The following CLTCL1 variants were observed in gnomAD, a reference collection of about 807,000 sequenced individuals.
CLTCL1 encodes the protein clathrin heavy chain like 1, also known as clathrin heavy chain 2.
Under a neutral mutation model 190.0 loss-of-function variants are expected in CLTCL1, and 159 were observed. The observed-to-expected ratio is 0.84, with a 90% CI of 0.74 to 0.95. CLTCL1 has a LOEUF of 0.95. CLTCL1 is among the 40% of genes least tolerant of loss of function. The probability of loss-of-function intolerance (pLI) is 0.00; values close to 1 mark genes in which losing one functional copy is unlikely to be tolerated. For missense variants in CLTCL1, 1,878 were observed against 2,033.4 expected (o/e 0.92, Z 1.47); for synonymous variants, 752 against 769.6 (o/e 0.98, Z 0.38).
At chr22:19,212,362 C>T (rs2085251523) in intron 19 of CLTCL1, among the ~76,000 whole-genome samples, 1 of 147,822 alleles carries the variant, frequency 6.8e-6, no homozygotes, top group African/African-American at 2.5e-5. Context: ...GGGTTTGAGA[C>T]TAGCCTGGGC....
chr22:19,244,593 A>G (rs571192017), intron 3 of CLTCL1, among the ~76,000 whole-genome samples: 3 of 152,356 alleles, frequency 2.0e-5, no homozygotes, highest in Admixed American at 1.3e-4. Flanking sequence ...AGCACATTTG[A>G]GTCCTAAAGG....
intron 24 of CLTCL1, 133 bp from the exon 25 acceptor site, chr22:19,196,789 C>A (rs1342089536): frequency 5.2e-6 from 5 of 960,346 alleles, no homozygotes; most frequent in Non-Finnish European, 3.1e-6. Context: ...GTGAAGAAAA[C>A]GTGTATACAT....
chr22:19,207,010 ATTTTTTTT>A (rs781980213), intron 22 of CLTCL1, among the ~76,000 whole-genome samples: 3 of 92,782 alleles, frequency 3.2e-5, no homozygotes, highest in African/African-American at 4.4e-5. Context: ...TAAACTACTA[ATTTTTTTT>A]TTTTTTTTTT....
In CLTCL1 at chr22:19,232,608, A is replaced by C; in HGVS notation, c.1522-10T>G. On this transcript the variant is annotated splice_polypyrimidine_tract_variant and intron_variant, in intron 9 of 32. Coordinates refer to ENST00000427926, the MANE Select transcript of CLTCL1 (RefSeq NM_007098.4). ...CTGGGGTGTACCCAACCTAGAAGCA[A>C]GGGAGCACCAATCAGGAAAATCAAT... The C allele has an allele frequency of 6.2e-7, 1 of 1,607,500 alleles. No individual in the cohort carries two copies. Among genetic ancestry groups the C allele is most frequent in the Non-Finnish European group, 8.5e-7 (1 of 1,176,994 alleles).
chr22:19,204,900 G>A (rs1475808339), intron 22 of CLTCL1, among the ~76,000 whole-genome samples: 4 of 152,146 alleles, frequency 2.6e-5, no homozygotes, highest in Non-Finnish European at 5.9e-5. Context: ...CATAGGTAAA[G>A]AGCCAGGTGT....
chr22:19,189,967 G>A (rs2084436746), intron 27 of CLTCL1, among the ~76,000 whole-genome samples: 1 of 151,568 alleles, frequency 6.6e-6, no homozygotes, highest in African/African-American at 2.4e-5. Context: ...TGTTTTTTTT[G>A]AGATGGAGTC....
At chr22:19,235,633 A>C (rs2086058177) in intron 6 of CLTCL1, 63 bp downstream of exon 6, 4 of 1,468,316 alleles carry the variant, frequency 2.7e-6, no homozygotes, top group South Asian at 1.3e-5. Flanking sequence ...AGAAGGGGGA[A>C]AGTTTAAACG....
intron 3 of CLTCL1, among the ~76,000 whole-genome samples, chr22:19,246,218 C>T (rs1381484815): frequency 2.6e-5 from 4 of 151,902 alleles, no homozygotes; most frequent in African/African-American, 9.7e-5. Context: ...TGCCACCATG[C>T]CCGGCTAGTT....
intron 4 of CLTCL1, among the ~76,000 whole-genome samples, chr22:19,240,298 T>G (rs537173653): frequency 6.6e-6 from 1 of 151,964 alleles, no homozygotes; most frequent in African/African-American, 2.4e-5. Context: ...ATATTATAAC[T>G]AACACAAGTC....
chr22:19,183,531 C>T lies in CLTCL1; in HGVS notation c.4686G>A (p.Lys1562=). 1 of 1,613,832 alleles carries T rather than the reference C, an allele frequency of 6.2e-7. No homozygotes were observed. Among genetic ancestry groups the T allele is most frequent in the South Asian group, 1.1e-5 (1 of 91,092 alleles). Residue 1562 remains lysine, a synonymous_variant, in exon 30 of 33, where the codon AAG becomes AAA. Coordinates refer to ENST00000427926, the MANE Select transcript of CLTCL1 (RefSeq NM_007098.4). ...KLLQWFLEEG[K]RECFAACLFT... is the part of the protein sequence containing the mutation. ...AGAGACAAGCTGCGAAGCACTCCCT[C>T]TTGCCTTCCTCCAGGAACCACTGCA...
intron 14 of CLTCL1, 90 bp from the exon 15 acceptor site, chr22:19,222,899 C>T (rs1180730195): frequency 1.4e-6 from 2 of 1,479,558 alleles, no homozygotes; most frequent in Admixed American, 2.0e-5. Flanking sequence ...ACGGCTCTGT[C>T]TCTGCAGCAG....
intron 2 of CLTCL1, among the ~76,000 whole-genome samples, chr22:19,256,393 G>C (rs1323713942): frequency 9.5e-6 from 1 of 105,252 alleles, no homozygotes; most frequent in African/African-American, 3.8e-5. Flanking sequence ...GTCTCTCTCT[G>C]TTGCCCAGGC....
At chr22:19,190,064 C>T (rs2084441043) in intron 27 of CLTCL1, among the ~76,000 whole-genome samples, 1 of 152,162 alleles carries the variant, frequency 6.6e-6, no homozygotes, top group African/African-American at 2.4e-5. Context: ...CCTCAGCCTC[C>T]CAAGTAGCTG....
Position 19,233,172 on chromosome 22 carries a change from G to A in CLTCL1, c.1515C>T (p.Ala505=). ...GTGGTTCAACACACGTTACCTTTTTGGCATAGAGCACAATTTTCTGGAATT... is the reference window on the plus strand; with the variant it reads ...GTGGTTCAACACACGTTACCTTTTTAGCATAGAGCACAATTTTCTGGAATT... ...TGQFQKIVLY[A]KKVGYTPDWI... The change falls in exon 9 of 33, where the codon GCC becomes GCT. Residue 505 remains alanine, a synonymous_variant. Coordinates refer to ENST00000427926, the MANE Select transcript of CLTCL1 (RefSeq NM_007098.4). The A allele has an allele frequency of 6.2e-7, 1 of 1,611,594 alleles. No homozygotes were observed. The highest frequency in any genetic ancestry group is 1.7e-5 in the Admixed American group (1 of 59,722).
Position 19,209,123 on chromosome 22 carries a change from T to C in CLTCL1, c.3250-9A>G. On this transcript the variant is annotated splice_polypyrimidine_tract_variant and intron_variant, in intron 20 of 32. Transcript: ENST00000427926. The stretch of plus-strand genomic sequence containing the variant: ...ATGTGCTCGATCAGGACCTAGGGGT[T>C]ATGAGAGGACTTCCATTCTCTGCAA... 2 of 1,578,970 alleles carry C rather than the reference T, an allele frequency of 1.3e-6. No homozygotes were observed. The highest frequency in any genetic ancestry group is 1.7e-6 in the Non-Finnish European group (2 of 1,159,680).
At chr22:19,183,716 CT>C (rs2084218649) in intron 29 of CLTCL1, 105 bp from the exon 30 acceptor site, 5 of 1,092,620 alleles carry the variant, frequency 4.6e-6, no homozygotes, top group Non-Finnish European at 6.7e-6. Flanking sequence ...CCACCAAGGA[CT>C]TCCTGCGCTG....
At chr22:19,260,127 G>A (rs1196296410) in intron 2 of CLTCL1, among the ~76,000 whole-genome samples, 1 of 152,196 alleles carries the variant, frequency 6.6e-6, no homozygotes, top group East Asian at 1.9e-4. Flanking sequence ...GCTGAGAGAG[G>A]TGAAGAAGTT....
At chr22:19,237,886 T>C (rs2086127508) in intron 5 of CLTCL1, among the ~76,000 whole-genome samples, 1 of 152,216 alleles carries the variant, frequency 6.6e-6, no homozygotes, top group Non-Finnish European at 1.5e-5. Context: ...TTTCAGGTGA[T>C]ATTTAATCCT....
intron 2 of CLTCL1, among the ~76,000 whole-genome samples, chr22:19,259,738 C>T (rs115015005): frequency 0.012 from 1,774 of 152,198 alleles, 34 homozygotes; most frequent in African/African-American, 0.039. Flanking sequence ...TGAGACACAA[C>T]AATATTGAAA....
Sources: gnomAD v4.1 joint callset for allele counts (sites outside exome capture counted in the v4.1 genomes callset) on GRCh38, gnomAD v4.1.1 for gene constraint, MANE v1.5 for transcripts, NCBI Gene and HGNC (gene_info 2026-07-23, HGNC 2026-07-21) for gene names.